Variants in THRB observed in about 807,000 individuals in gnomAD.
THRB encodes the protein thyroid hormone receptor beta.
In THRB, 12 loss-of-function variants were observed where a neutral mutation model predicts 47.8. The ratio of observed to expected loss-of-function variants is 0.25; its 90% confidence interval spans 0.16 to 0.41. The LOEUF (loss-of-function observed/expected upper bound fraction) is 0.41. THRB is among the 10% of genes least tolerant of loss of function. THRB has a pLI of 1.00. For missense variants in THRB, 348 were observed against 589.2 expected (o/e 0.59, Z 4.24); for synonymous variants, 218 against 212.2 (o/e 1.03, Z -0.24).
chr3:24,397,600 C>T (rs200069513), intron 1 of THRB, among the ~76,000 whole-genome samples: 9 of 138,264 alleles, frequency 6.5e-5, no homozygotes, highest in Admixed American at 1.5e-4. Flanking sequence ...TTTAGCAAGT[C>T]TTTTTTTTTT....
At chr3:24,264,150 A>G (rs898211680) in intron 3 of THRB, among the ~76,000 whole-genome samples, 20 of 151,942 alleles carry the variant, frequency 1.3e-4, no homozygotes, top group African/African-American at 4.8e-4. Context: ...GTTTTTCCTC[A>G]CTCACTCCAT....
At chr3:24,320,259 G>A (rs2058394782) in intron 2 of THRB, among the ~76,000 whole-genome samples, 1 of 152,216 alleles carries the variant, frequency 6.6e-6, no homozygotes, top group African/African-American at 2.4e-5. Flanking sequence ...TGCTATGCCT[G>A]TCCAATCGAA....
chr3:24,393,362 T>C (rs1396073832), intron 1 of THRB, among the ~76,000 whole-genome samples: 1 of 152,138 alleles, frequency 6.6e-6, no homozygotes, highest in Non-Finnish European at 1.5e-5. Flanking sequence ...TACACACTCG[T>C]CTTGCTCAAA....
chr3:24,228,939 T>G lies in THRB; in HGVS notation c.21A>C (p.Thr7=). ...GAAAATGTAAAAAAAAAAAGATACC[T>G]GTCATACTGTTGGGAGTCATAGGTT... MTPNSM[T]ENGLTAWDKP... The change falls in exon 4 of 11, where the codon ACA becomes ACC. Residue 7 remains threonine, a splice_region_variant and synonymous_variant. Coordinates refer to ENST00000646209, the MANE Select transcript of THRB (RefSeq NM_001354712.2). 1 of 1,610,730 alleles carries G rather than the reference T, an allele frequency of 6.2e-7. No individual in the cohort carries two copies. The highest frequency in any genetic ancestry group is 8.5e-7 in the Non-Finnish European group (1 of 1,178,580).
chr3:24,323,861 T>C (rs1000376706), intron 2 of THRB, among the ~76,000 whole-genome samples: 1 of 152,212 alleles, frequency 6.6e-6, no homozygotes, highest in African/African-American at 2.4e-5. Context: ...TTCTTTCAAA[T>C]GTTTGAAATG....
intron 5 of THRB, among the ~76,000 whole-genome samples, chr3:24,183,093 A>G (rs1381717784): frequency 6.6e-6 from 1 of 152,136 alleles, no homozygotes; most frequent in Admixed American, 6.5e-5. Flanking sequence ...GGTTGTTGCT[A>G]TGGACTTTTT....
At chr3:24,228,818 T>C (rs2047957946) in intron 4 of THRB, 120 bp downstream of exon 4, 2 of 919,160 alleles carry the variant, frequency 2.2e-6, no homozygotes, top group Non-Finnish European at 3.5e-6. Context: ...TTAATAACAC[T>C]TATTGGTTTG....
At chr3:24,233,595 G>GAAAGAAAGAAAGAAAGAA (rs1553658441) in intron 3 of THRB, among the ~76,000 whole-genome samples, 1 of 143,852 alleles carries the variant, frequency 7.0e-6, no homozygotes, top group Non-Finnish European at 1.5e-5. Flanking sequence ...AAGAAAGAAA[G>GAAAGAAAGAAAGAAAGAA]AAAGAAAGAA....
chr3:24,361,653 G>T (rs1287510189), intron 1 of THRB, among the ~76,000 whole-genome samples: 1 of 152,144 alleles, frequency 6.6e-6, no homozygotes, highest in Non-Finnish European at 1.5e-5. Context: ...GTATGAAAGA[G>T]AAATATGGCC....
chr3:24,350,692 T>A (rs1314253997), intron 1 of THRB, among the ~76,000 whole-genome samples: 3 of 152,210 alleles, frequency 2.0e-5, no homozygotes, highest in African/African-American at 7.2e-5. Flanking sequence ...TTTTGCTTCT[T>A]GTCAGTATTG....
chr3:24,307,079 A>T (rs2057398551), intron 2 of THRB, among the ~76,000 whole-genome samples: 2 of 151,962 alleles, frequency 1.3e-5, no homozygotes, highest in South Asian at 2.1e-4. Flanking sequence ...TATTAATGTT[A>T]CTTTCTTACT....
At chr3:24,297,544 T>C (rs144481400) in intron 2 of THRB, among the ~76,000 whole-genome samples, 173 bp from the exon 3 acceptor site, 4 of 152,190 alleles carry the variant, frequency 2.6e-5, no homozygotes, top group Non-Finnish European at 5.9e-5. Flanking sequence ...GCATACTCAT[T>C]ACAGAAACAT....
At chr3:24,330,316 A>AT (rs1221022264) in intron 2 of THRB, among the ~76,000 whole-genome samples, 3 of 148,648 alleles carry the variant, frequency 2.0e-5, no homozygotes, top group Non-Finnish European at 3.0e-5. Flanking sequence ...TCCGTCTCAA[A>AT]TAAAAAAAAA....
At chr3:24,348,620 A>G (rs1481681899) in intron 1 of THRB, 1 of 152,162 alleles carries the variant, frequency 6.6e-6, no homozygotes, top group Non-Finnish European at 1.5e-5. Context: ...AGGACCTGCA[A>G]GCATAACAGA....
At chr3:24,254,438 G>T (rs1038687990) in intron 3 of THRB, among the ~76,000 whole-genome samples, 1 of 151,492 alleles carries the variant, frequency 6.6e-6, no homozygotes, top group African/African-American at 2.4e-5. Flanking sequence ...AAAGGCTCAG[G>T]ATGTGTTTAA....
intron 8 of THRB, among the ~76,000 whole-genome samples, chr3:24,140,632 C>A (rs540156966): frequency 1.3e-5 from 2 of 152,212 alleles, no homozygotes; most frequent in South Asian, 2.1e-4. Context: ...CTTCCCTCCC[C>A]CAAGGTACCC....
At chr3:24,441,124 G>A (rs150250491) in intron 1 of THRB, among the ~76,000 whole-genome samples, 1 of 152,178 alleles carries the variant, frequency 6.6e-6, no homozygotes, top group Non-Finnish European at 1.5e-5. Flanking sequence ...GCTGAGGGCT[G>A]TTCTCAGTTC....
At chr3:24,217,077 A>G (rs1328626181) in intron 4 of THRB, among the ~76,000 whole-genome samples, 1 of 148,666 alleles carries the variant, frequency 6.7e-6, no homozygotes, top group Non-Finnish European at 1.5e-5. Context: ...TATTAAAATA[A>G]TAAATATTAT....
Position 24,233,560 on chromosome 3 carries a change from GAAGAAAGAAAGA to G in THRB, c.-42-4571_-42-4560del, listed in dbSNP as rs769459380. Among the ~76,000 whole-genome samples the G allele has an allele frequency of 2.1e-3, 164 of 77,350 alleles. 3 individuals carry two copies. Among genetic ancestry groups the G allele is most frequent in the African/African-American group, 3.8e-3 (80 of 21,116 alleles). 50.7% of individuals were successfully genotyped at this position (77,350 alleles called of 152,430 possible). ...GAAAGAAAGAGAAAGAAAGAAAAAG[GAAGAAAGAAAGA>G]AAGAAAGAAAGAAAGAAAGAAAGAA... On this transcript the variant is annotated intron_variant, in intron 3 of 10. Transcript: ENST00000646209.
Sources: gnomAD v4.1 joint callset for allele counts (sites outside exome capture counted in the v4.1 genomes callset) on GRCh38, gnomAD v4.1.1 for gene constraint, MANE v1.5 for transcripts, NCBI Gene and HGNC (gene_info 2026-07-23, HGNC 2026-07-21) for gene names.